AGTPBP1: variants seen among roughly 807,000 people sequenced by gnomAD.
AGTPBP1 encodes the protein cytosolic carboxypeptidase 1.
A neutral mutation model predicts 143.9 loss-of-function variants in AGTPBP1; 70 were observed. The observed-to-expected ratio is 0.49, with a 90% CI of 0.40 to 0.59. The LOEUF is 0.59. Ranked by LOEUF, AGTPBP1 falls within the 20% of genes least tolerant of loss-of-function variation. The pLI is 0.00. For missense variants in AGTPBP1, 1,229 were observed against 1,464.5 expected, an observed-to-expected ratio of 0.84 and a Z score of 2.62; for synonymous variants, 463 against 500.2, an observed-to-expected ratio of 0.93 and a Z score of 0.99.
intron 12 of AGTPBP1, among the ~76,000 whole-genome samples, chr9:85,644,130 T>C (rs1731023002): frequency 6.6e-6 from 1 of 152,014 alleles, no homozygotes; most frequent in Admixed American, 6.5e-5. Context: ...ATTATTTACA[T>C]AGCCAATGAA....
intron 2 of AGTPBP1, among the ~76,000 whole-genome samples, chr9:85,703,202 C>A (rs1238929937): frequency 6.6e-6 from 1 of 152,158 alleles, no homozygotes; most frequent in Non-Finnish European, 1.5e-5. Flanking sequence ...AAGAATGAGG[C>A]TGTTTAGTCC....
chr9:85,711,962 C>T (rs904167096), intron 2 of AGTPBP1, among the ~76,000 whole-genome samples: 3 of 151,890 alleles, frequency 2.0e-5, no homozygotes, highest in African/African-American at 7.3e-5. Context: ...TTTTTTTAAC[C>T]ATTTAAAAAT....
chr9:85,677,544 C>T lies in AGTPBP1; in HGVS notation c.328G>A (p.Gly110Ser). ...AGTAACTGCAACAATATTTGTGAACCACCTTTGGTGACTAAGAAACTCACT... is the reference window on the plus strand; with the variant it reads ...AGTAACTGCAACAATATTTGTGAACTACCTTTGGTGACTAAGAAACTCACT... Reference protein sequence around the residue: ...RRVSFLVTKGGSQILLQLLMN... With the variant: ...RRVSFLVTKGSSQILLQLLMN... Residue 110 changes from glycine to serine, a missense_variant, in exon 6 of 26, where the codon GGT becomes AGT. Gly to Ser is a moderately conservative substitution (Grantham distance 56, BLOSUM62 0). Coordinates refer to ENST00000357081, the MANE Select transcript of AGTPBP1 (RefSeq NM_001330701.2). 6.3e-7 allele frequency: 1 copy of T among 1,591,340 alleles called. No homozygotes were observed. Among genetic ancestry groups the T allele is most frequent in the Middle Eastern group, 1.7e-4 (1 of 5,970 alleles).
chr9:85,715,031 G>A (rs1042782996), intron 1 of AGTPBP1, among the ~76,000 whole-genome samples: 4 of 152,056 alleles, frequency 2.6e-5, no homozygotes, highest in East Asian at 1.9e-4. Flanking sequence ...CGGATGACCC[G>A]AGGTTGGGAG....
chr9:85,551,923 CTT>C (rs1242937469), intron 25 of AGTPBP1, among the ~76,000 whole-genome samples: 2 of 152,118 alleles, frequency 1.3e-5, no homozygotes, highest in African/African-American at 2.4e-5. Context: ...TTAATTATTT[CTT>C]GTCATGATTA....
rs1008193347 is a variant in AGTPBP1, at chr9:85,741,352, G to T, written c.-34+423C>A. The T allele has an allele frequency of 7.1e-6, 7 of 985,372 alleles. No homozygotes were observed. The East Asian group carries it at 6.8e-4, about 96-fold the overall frequency. 61.0% of individuals were successfully genotyped at this position (985,372 alleles called of 1,614,324 possible). A position where few individuals can be genotyped will look rare whatever the true frequency, so the allele number is the denominator to read the frequency against. On this transcript the variant is annotated intron_variant, in intron 1 of 25. Transcript: ENST00000357081. ...TTCAGCGGCCCGCTACCACTGGGGCGGGGGAGAGCGGGGCTGGGCGCGCCC... is the reference window on the plus strand; with the variant it reads ...TTCAGCGGCCCGCTACCACTGGGGCTGGGGAGAGCGGGGCTGGGCGCGCCC...
chr9:85,553,424 T>G lies in AGTPBP1; in HGVS notation c.3504-6138A>C, dbSNP rs139092845. ...TAAAACAGGCTTTGCCTTAGATGAT[T>G]TTGCCTGACTGCAGGCTACTGTTTA... On this transcript the variant is annotated intron_variant, in intron 25 of 25. Coordinates refer to ENST00000357081, the MANE Select transcript of AGTPBP1 (RefSeq NM_001330701.2). Among the ~76,000 whole-genome samples, 43 of 152,388 alleles carry G rather than the reference T, an allele frequency of 2.8e-4. No individual in the cohort carries two copies. In the East Asian group the frequency reaches 7.5e-3, roughly 27 times the overall value.
intron 1 of AGTPBP1, among the ~76,000 whole-genome samples, chr9:85,718,211 C>CT (rs1239452411): frequency 6.7e-6 from 1 of 150,238 alleles, no homozygotes; most frequent in Admixed American, 6.6e-5. Flanking sequence ...TCACTGGGTT[C>CT]TAGTTCTAGT....
In AGTPBP1 at chr9:85,741,855, C is replaced by A; in HGVS notation, c.-114G>T. ...CACCTGGATCACGGCGGATCCCTCG[C>A]CGCCCGCCGCCCGGTGTTTTCATAC... On this transcript the variant is annotated 5_prime_UTR_variant, in exon 1 of 26. Transcript: ENST00000357081. 7.2e-7 allele frequency: 1 copy of A among 1,397,368 alleles called. No homozygotes were observed. The highest frequency in any genetic ancestry group is 9.3e-7 in the Non-Finnish European group (1 of 1,077,236). The allele number at this position is 1,397,368 out of a possible 1,614,324, so 86.6% of individuals were successfully genotyped here.
chr9:85,729,572 A>G (rs1838740913), intron 1 of AGTPBP1, among the ~76,000 whole-genome samples: 1 of 152,152 alleles, frequency 6.6e-6, no homozygotes, highest in African/African-American at 2.4e-5. Context: ...AACAAATGAA[A>G]GACAGCCTAT....
the AGTPBP1 span, among the ~76,000 whole-genome samples, chr9:85,784,429 T>C: frequency 6.6e-6 from 1 of 152,046 alleles, no homozygotes; most frequent in Non-Finnish European, 1.5e-5. Context: ...TTTTTTAGAG[T>C]TGGGGTCTTG....
At chr9:85,658,919 A>C (rs2133963431) in intron 9 of AGTPBP1, among the ~76,000 whole-genome samples, 1 of 152,256 alleles carries the variant, frequency 6.6e-6, no homozygotes, top group Non-Finnish European at 1.5e-5. Context: ...AAAGCTTCAT[A>C]CATTTTAAAT....
At chr9:85,723,262 CT>C (rs1332564068) in intron 1 of AGTPBP1, among the ~76,000 whole-genome samples, 1 of 152,228 alleles carries the variant, frequency 6.6e-6, no homozygotes, top group Non-Finnish European at 1.5e-5. Flanking sequence ...GCCTTTTCTT[CT>C]GGTAGGCACT....
intron 23 of AGTPBP1, among the ~76,000 whole-genome samples, chr9:85,580,191 T>C (rs1410117364): frequency 6.6e-6 from 1 of 150,538 alleles, no homozygotes; most frequent in African/African-American, 2.5e-5. Flanking sequence ...GAGCCGAGAT[T>C]GCACCATTGC....
the AGTPBP1 span, among the ~76,000 whole-genome samples, chr9:85,760,571 C>G: frequency 6.6e-6 from 1 of 152,150 alleles, no homozygotes; most frequent in South Asian, 2.1e-4. Flanking sequence ...ATTCAACAGC[C>G]CTTCATGCTA....
At chr9:85,585,720 A>G (rs1456599505) in intron 22 of AGTPBP1, 126 bp from the exon 23 acceptor site, 1 of 694,168 alleles carries the variant, frequency 1.4e-6, no homozygotes, top group Admixed American at 3.9e-5. Flanking sequence ...TAAAAGAACC[A>G]CCATTTAACA....
intron 3 of AGTPBP1, among the ~76,000 whole-genome samples, chr9:85,683,297 C>A: frequency 6.6e-6 from 1 of 152,246 alleles, no homozygotes; most frequent in Non-Finnish European, 1.5e-5. Flanking sequence ...CTGCCTCCAT[C>A]AAAAAATGTT....
chr9:85,668,197 AT>A (rs1834247004), intron 8 of AGTPBP1, among the ~76,000 whole-genome samples: 2 of 152,092 alleles, frequency 1.3e-5, no homozygotes, highest in Admixed American at 6.6e-5. Context: ...TCCTCTCTAC[AT>A]TTGTGTAGGC....
chr9:85,636,259 CTT>C (rs35445993), intron 13 of AGTPBP1, among the ~76,000 whole-genome samples: 10 of 118,550 alleles, frequency 8.4e-5, no homozygotes, highest in African/African-American at 2.2e-4. Context: ...TGTAAGGTTT[CTT>C]TTTTTTTTTT....
Sources: allele counts gnomAD v4.1 joint callset (sites outside exome capture counted in the v4.1 genomes callset), GRCh38; gene constraint gnomAD v4.1.1; transcripts MANE v1.5; gene names NCBI Gene and HGNC (gene_info 2026-07-23, HGNC 2026-07-21).